The following LSAMP variants were observed in gnomAD, a reference collection of about 807,000 sequenced individuals.
LSAMP encodes limbic system associated membrane protein.
LSAMP carries 7 observed loss-of-function variants against 38.6 expected under a neutral mutation model. That is an observed-to-expected ratio of 0.18 (90% CI 0.10 to 0.34). The LOEUF (loss-of-function observed/expected upper bound fraction) is 0.34, where lower values mean the gene tolerates loss of function less well. LSAMP is among the 10% of genes least tolerant of loss of function. The pLI, the probability that LSAMP is intolerant of heterozygous loss-of-function variation, is 1.00. For missense variants in LSAMP, 313 were observed against 420.0 expected (o/e 0.75, Z 2.23); for synonymous variants, 154 against 166.8 (o/e 0.92, Z 0.59).
chr3:116,247,463 G>A (rs2046619405), intron 1 of LSAMP, among the ~76,000 whole-genome samples: 1 of 152,202 alleles, frequency 6.6e-6, no homozygotes, highest in African/African-American at 2.4e-5. Context: ...ATTTAAGAAT[G>A]TTTACATGTC....
intron 1 of LSAMP, among the ~76,000 whole-genome samples, chr3:116,238,403 T>C (rs1165829974): frequency 1.3e-5 from 2 of 152,182 alleles, no homozygotes; most frequent in Non-Finnish European, 2.9e-5. Flanking sequence ...GAAAACATTT[T>C]TCAAATGTTT....
intron 1 of LSAMP, among the ~76,000 whole-genome samples, chr3:116,351,189 G>A (rs2048134524): frequency 1.3e-5 from 2 of 152,012 alleles, no homozygotes; most frequent in African/African-American, 4.8e-5. Flanking sequence ...TAGAATTGAA[G>A]AAAGAGCTGC....
intron 1 of LSAMP, among the ~76,000 whole-genome samples, chr3:116,243,681 G>C (rs2046568311): frequency 6.6e-6 from 1 of 151,968 alleles, no homozygotes; most frequent in Non-Finnish European, 1.5e-5. Flanking sequence ...AGAGAATCAG[G>C]GCTAAGAAAA....
At chr3:116,015,160 T>C (rs1413302481) in intron 3 of LSAMP, among the ~76,000 whole-genome samples, 1 of 152,180 alleles carries the variant, frequency 6.6e-6, no homozygotes, top group Non-Finnish European at 1.5e-5. Context: ...AATTACACAG[T>C]ATCTCTTGGG....
chr3:116,431,846 G>T (rs2049285707), intron 1 of LSAMP, among the ~76,000 whole-genome samples: 1 of 151,950 alleles, frequency 6.6e-6, no homozygotes, highest in Non-Finnish European at 1.5e-5. Context: ...ATTTAGTATG[G>T]ACTTGGAATC....
chr3:116,244,258 CT>C (rs1236376953), intron 1 of LSAMP, among the ~76,000 whole-genome samples: 5 of 152,174 alleles, frequency 3.3e-5, no homozygotes, highest in Non-Finnish European at 7.4e-5. Context: ...CAGGCTCTTT[CT>C]TTGAAATGTT....
At chr3:116,263,275 T>G (rs1204421117) in intron 1 of LSAMP, among the ~76,000 whole-genome samples, 2 of 152,136 alleles carry the variant, frequency 1.3e-5, no homozygotes, top group Non-Finnish European at 2.9e-5. Flanking sequence ...CGGTGGCTCA[T>G]GCCTGTAATC....
intron 1 of LSAMP, among the ~76,000 whole-genome samples, chr3:116,320,533 C>T (rs1318474913): frequency 6.6e-6 from 1 of 152,114 alleles, no homozygotes; most frequent in Non-Finnish European, 1.5e-5. Context: ...ATTGGATTCT[C>T]CTAGGGTGTT....
At chr3:116,203,164 C>T (rs6438300) in intron 1 of LSAMP, among the ~76,000 whole-genome samples, 122,234 of 152,092 alleles carry the variant, frequency 0.8, 49,885 homozygotes, top group East Asian at 0.91. Flanking sequence ...CTTTCAGCAG[C>T]ATGTTGTCAT....
chr3:116,095,730 T>C (rs958021082), intron 1 of LSAMP, among the ~76,000 whole-genome samples: 1 of 152,220 alleles, frequency 6.6e-6, no homozygotes. Flanking sequence ...GAACATTTAT[T>C]AGTGATTGGA....
At position 116,273,707 on chromosome 3, in the gene LSAMP, T is replaced by TATATATATATACACAC. The variant is rs1307543165; in HGVS notation, c.155+171169_155+171170insGTGTGTATATATATAT. Among the ~76,000 whole-genome samples the TATATATATATACACAC allele has an allele frequency of 1.8e-4, 18 of 102,608 alleles. 1 individual carries two copies. Among genetic ancestry groups the TATATATATATACACAC allele is most frequent in the African/African-American group, 8.0e-4 (17 of 21,274 alleles). The allele number at this position is 102,608 out of a possible 152,430, so 67.3% of individuals were successfully genotyped here. ...GCATATATATATATATATATATATA[T>TATATATATATACACAC]ACACACACACACACACGTATATATG... On this transcript the variant is annotated intron_variant, in intron 1 of 6. Transcript: ENST00000490035.
chr3:115,827,336 CTTT>C (rs10712971), intron 6 of LSAMP, among the ~76,000 whole-genome samples: 2 of 136,846 alleles, frequency 1.5e-5, no homozygotes, highest in Non-Finnish European at 1.6e-5. Context: ...TTTTCTACTG[CTTT>C]TTTTTTTTTT....
intron 3 of LSAMP, among the ~76,000 whole-genome samples, chr3:116,014,793 G>A (rs1307237891): frequency 6.6e-6 from 1 of 152,164 alleles, no homozygotes; most frequent in Non-Finnish European, 1.5e-5. Flanking sequence ...CTTGCAACAG[G>A]TACTTCTATA....
intron 1 of LSAMP, among the ~76,000 whole-genome samples, chr3:116,344,232 G>A (rs1372960682): frequency 6.6e-6 from 1 of 152,070 alleles, no homozygotes; most frequent in Non-Finnish European, 1.5e-5. Flanking sequence ...GCCCAACTCT[G>A]CTGTGATTAC....
intron 3 of LSAMP, among the ~76,000 whole-genome samples, chr3:115,952,877 T>A (rs542259106): frequency 6.6e-6 from 1 of 152,342 alleles, no homozygotes; most frequent in South Asian, 2.1e-4. Context: ...AGAAAAATTA[T>A]TGTAATAGTA....
intron 2 of LSAMP, among the ~76,000 whole-genome samples, chr3:116,068,459 T>G (rs1184199076): frequency 6.6e-6 from 1 of 152,200 alleles, no homozygotes; most frequent in Non-Finnish European, 1.5e-5. Flanking sequence ...AAATAAGTTA[T>G]TTCTCAAATT....
intron 1 of LSAMP, among the ~76,000 whole-genome samples, chr3:116,145,950 CACTT>C (rs1171681938): frequency 1.3e-5 from 2 of 151,746 alleles, no homozygotes; most frequent in African/African-American, 4.8e-5. Context: ...ATATTATAAT[CACTT>C]AGTATTTATA....
intron 3 of LSAMP, among the ~76,000 whole-genome samples, chr3:115,910,261 A>G (rs1937105898): frequency 6.6e-6 from 1 of 152,196 alleles, no homozygotes; most frequent in Non-Finnish European, 1.5e-5. Flanking sequence ...TGGGAAACAG[A>G]GTTATGCAAA....
intron 3 of LSAMP, among the ~76,000 whole-genome samples, chr3:115,969,718 C>T (rs776355565): frequency 2.6e-5 from 4 of 152,142 alleles, no homozygotes; most frequent in Admixed American, 2.6e-4. Flanking sequence ...TCCTCAACAA[C>T]TAGTGAGCTA....
Sources: gnomAD v4.1 joint callset for allele counts (sites outside exome capture counted in the v4.1 genomes callset) on GRCh38, gnomAD v4.1.1 for gene constraint, MANE v1.5 for transcripts, NCBI Gene and HGNC (gene_info 2026-07-23, HGNC 2026-07-21) for gene names.